The following ZFYVE9 variants were observed in gnomAD, a reference collection of about 807,000 sequenced individuals.
ZFYVE9 encodes zinc finger FYVE domain-containing protein 9.
ZFYVE9 carries 43 observed loss-of-function variants against 126.7 expected under a neutral mutation model. The ratio of observed to expected loss-of-function variants is 0.34; its 90% CI spans 0.27 to 0.44. The LOEUF is 0.44. Ranked by LOEUF, ZFYVE9 falls within the 20% of genes least tolerant of loss-of-function variation. The pLI is 1.00. For synonymous variants in ZFYVE9, 521 were observed against 597.4 expected, an observed-to-expected ratio of 0.87 and a Z score of 1.87; for missense variants, 1,476 against 1,697.0, an observed-to-expected ratio of 0.87 and a Z score of 2.29.
At chr1:52,155,019 C>T (rs567344387) in intron 1 of ZFYVE9, among the ~76,000 whole-genome samples, 1 of 152,238 alleles carries the variant, frequency 6.6e-6, no homozygotes, top group Admixed American at 6.5e-5. Flanking sequence ...TTATAGCAGT[C>T]TTCTTGTGCC....
intron 4 of ZFYVE9, among the ~76,000 whole-genome samples, chr1:52,249,447 G>A (rs1345121428): frequency 6.6e-6 from 1 of 152,044 alleles, no homozygotes; most frequent in South Asian, 2.1e-4. Context: ...AAAAATCTTT[G>A]GAGAAATGTC....
chr1:52,241,644 T>C (rs535403312), intron 4 of ZFYVE9, among the ~76,000 whole-genome samples: 1 of 152,330 alleles, frequency 6.6e-6, no homozygotes, highest in African/African-American at 2.4e-5. Context: ...ATTTGTGGAA[T>C]TTATGAATTC....
chr1:52,289,949 C>T (rs770072568), intron 10 of ZFYVE9, among the ~76,000 whole-genome samples: 3 of 152,048 alleles, frequency 2.0e-5, no homozygotes, highest in African/African-American at 2.4e-5. Flanking sequence ...ATAGGGAAAT[C>T]GCAAAGGAAT....
At chr1:52,318,409 T>C (rs1417321093) in intron 13 of ZFYVE9, among the ~76,000 whole-genome samples, 2 of 147,392 alleles carry the variant, frequency 1.4e-5, no homozygotes, top group Admixed American at 1.4e-4. Flanking sequence ...TGTGTGTGTG[T>C]GTGTGTATCT....
At chr1:52,299,677 C>T (rs1569706660) in intron 12 of ZFYVE9, among the ~76,000 whole-genome samples, 2 of 152,336 alleles carry the variant, frequency 1.3e-5, no homozygotes, top group South Asian at 2.1e-4. Context: ...AGTGCCAGGG[C>T]TCCCTCATTC....
intron 13 of ZFYVE9, among the ~76,000 whole-genome samples, chr1:52,305,288 A>G (rs1045006875): frequency 2.6e-5 from 4 of 152,014 alleles, no homozygotes; most frequent in Non-Finnish European, 5.9e-5. Flanking sequence ...TAAAAATACA[A>G]ACATTGGCTG....
At chr1:52,158,513 A>G (rs763059597) in intron 1 of ZFYVE9, among the ~76,000 whole-genome samples, 2 of 152,214 alleles carry the variant, frequency 1.3e-5, no homozygotes, top group Non-Finnish European at 2.9e-5. Context: ...CTTTGGGGGC[A>G]GCCATCTATC....
At chr1:52,300,666 ACT>A (rs1188203681) in intron 12 of ZFYVE9, among the ~76,000 whole-genome samples, 3 of 148,462 alleles carry the variant, frequency 2.0e-5, no homozygotes, top group South Asian at 4.3e-4. Context: ...CCTTTGTATA[ACT>A]CTGTATTTTC....
intron 12 of ZFYVE9, among the ~76,000 whole-genome samples, chr1:52,297,083 G>C (rs1293508095): frequency 2.0e-5 from 3 of 152,028 alleles, no homozygotes; most frequent in Non-Finnish European, 2.9e-5. Flanking sequence ...TGGTATTACA[G>C]GCATGAGCCA....
chr1:52,201,780 G>A (rs1644925481), intron 1 of ZFYVE9, among the ~76,000 whole-genome samples: 1 of 151,420 alleles, frequency 6.6e-6, no homozygotes, highest in Non-Finnish European at 1.5e-5. Context: ...ATTATTTTAT[G>A]TATTTATTTA....
chr1:52,151,495 A>ATG lies in ZFYVE9; in HGVS notation c.-143+9102_-143+9103dup, dbSNP rs555214586. On this transcript the variant is annotated intron_variant, in intron 1 of 18. Coordinates refer to ENST00000287727, the MANE Select transcript of ZFYVE9 (RefSeq NM_004799.4). ...ATCCTGTGAATCTTGTCCTGTGTCT[A>ATG]TGTGTGTGTGTATGTGTGTTTTTTC... is the stretch of plus-strand genomic sequence containing the variant. Among the ~76,000 whole-genome samples, 620 of 150,552 alleles carry ATG rather than the reference A, an allele frequency of 4.1e-3. 3 individuals are homozygous for ATG. Among genetic ancestry groups the ATG allele is most frequent in the Middle Eastern group, 0.014 (4 of 290 alleles).
intron 1 of ZFYVE9, among the ~76,000 whole-genome samples, chr1:52,209,557 A>T (rs1339543239): frequency 6.6e-6 from 1 of 152,086 alleles, no homozygotes; most frequent in Non-Finnish European, 1.5e-5. Flanking sequence ...GGACGTGCCT[A>T]TTCTGGACAT....
rs143053954 is a variant in ZFYVE9, at chr1:52,332,070, G to A, written c.3439-698G>A. Among the ~76,000 whole-genome samples the A allele has an allele frequency of 3.9e-3, 591 of 152,164 alleles. 3 individuals are homozygous for A. The highest frequency in any genetic ancestry group is 0.014 in the African/African-American group (565 of 41,532). On this transcript the variant is annotated intron_variant, in intron 13 of 18. Transcript: ENST00000287727. ...GCTGGGATTATAGGCATGAGCCACC[G>A]TGCCTGGCCCCAAACTCTTTATAGA...
intron 13 of ZFYVE9, among the ~76,000 whole-genome samples, chr1:52,322,228 A>G (rs1021921477): frequency 1.1e-4 from 16 of 152,086 alleles, no homozygotes; most frequent in South Asian, 4.1e-4. Context: ...TGCTGCCTCT[A>G]CTTTCTAAAT....
At position 52,263,766 on chromosome 1, in the gene ZFYVE9, C is replaced by T. The variant is rs780858039; in HGVS notation, c.2179-7C>T. 1.5e-5 allele frequency: 18 copies of T among 1,221,754 alleles called. 1 individual carries two copies. Among genetic ancestry groups the T allele is most frequent in the African/African-American group, 3.8e-5 (2 of 52,272 alleles). 75.7% of individuals were successfully genotyped at this position (1,221,754 alleles called of 1,614,324 possible). A position where few individuals can be genotyped will look rare whatever the true frequency, so the allele number is the denominator to read the frequency against. Reference sequence around the variant, plus strand: ...TTTGTGTGTTCTTCCCCCCCCCCCCCCCACAGGTTTTCTGTGCTTCCTGCT... The same window carrying T: ...TTTGTGTGTTCTTCCCCCCCCCCCCTCCACAGGTTTTCTGTGCTTCCTGCT... On this transcript the variant is annotated splice_polypyrimidine_tract_variant and splice_region_variant and intron_variant, in intron 4 of 18. Coordinates refer to ENST00000287727, the MANE Select transcript of ZFYVE9 (RefSeq NM_004799.4).
chr1:52,272,144 T>G (rs553978650), intron 7 of ZFYVE9, among the ~76,000 whole-genome samples: 1 of 152,310 alleles, frequency 6.6e-6, no homozygotes, highest in South Asian at 2.1e-4. Flanking sequence ...AGCCATATTT[T>G]GAAGAAATAG....
At chr1:52,309,047 A>T (rs893200744) in intron 13 of ZFYVE9, among the ~76,000 whole-genome samples, 2 of 152,256 alleles carry the variant, frequency 1.3e-5, no homozygotes, top group Non-Finnish European at 2.9e-5. Flanking sequence ...ATAGACACCA[A>T]TGTTTCTTAA....
chr1:52,313,368 G>A (rs61782536), intron 13 of ZFYVE9, among the ~76,000 whole-genome samples: 32 of 152,276 alleles, frequency 2.1e-4, no homozygotes, highest in Non-Finnish European at 4.0e-4. Context: ...GCCATAGAGC[G>A]GGTAGGGGAA....
chr1:52,245,315 C>T (rs944539331), intron 4 of ZFYVE9, among the ~76,000 whole-genome samples: 12 of 150,726 alleles, frequency 8.0e-5, no homozygotes, highest in Admixed American at 7.3e-4. Context: ...ACTCATGTTA[C>T]TGTAGATGAC....
Sources: gnomAD v4.1 joint callset for allele counts (sites outside exome capture counted in the v4.1 genomes callset) on GRCh38, gnomAD v4.1.1 for gene constraint, MANE v1.5 for transcripts, NCBI Gene and HGNC (gene_info 2026-07-23, HGNC 2026-07-21) for gene names.